Variants in CARMIL1 observed in about 807,000 individuals in gnomAD.
The protein encoded by CARMIL1 is F-actin-uncapping protein LRRC16A.
A neutral mutation model predicts 177.1 loss-of-function variants in CARMIL1; 90 were observed. The ratio of observed to expected loss-of-function variants is 0.51; its 90% CI spans 0.43 to 0.61. The LOEUF is 0.61. Among genes scored for constraint, CARMIL1 ranks in the 20% least tolerant of loss-of-function variants. The pLI, the probability that CARMIL1 is intolerant of heterozygous loss-of-function variation, is 0.00. For missense variants in CARMIL1, 1,380 were observed against 1,667.0 expected, an observed-to-expected ratio of 0.83 and a Z score of 3.00; for synonymous variants, 577 against 606.2, an observed-to-expected ratio of 0.95 and a Z score of 0.71.
chr6:25,508,029 C>T (rs1157798142), intron 17 of CARMIL1, among the ~76,000 whole-genome samples: 1 of 151,936 alleles, frequency 6.6e-6, no homozygotes, highest in East Asian at 1.9e-4. Context: ...ATGCAAGCCC[C>T]CAATTTTTAT....
intron 13 of CARMIL1, among the ~76,000 whole-genome samples, chr6:25,489,957 A>G (rs1006040453): frequency 6.6e-6 from 1 of 152,254 alleles, no homozygotes; most frequent in Non-Finnish European, 1.5e-5. Context: ...CTAAAGATTA[A>G]TAAGATTCAG....
chr6:25,567,651 T>A (rs1811673100), intron 29 of CARMIL1, among the ~76,000 whole-genome samples: 2 of 152,124 alleles, frequency 1.3e-5, no homozygotes, highest in South Asian at 4.1e-4. Context: ...ACAAGTAGGG[T>A]AGATTTACTT....
At chr6:25,588,324 A>G (rs535962779) in intron 31 of CARMIL1, among the ~76,000 whole-genome samples, 1 of 152,318 alleles carries the variant, frequency 6.6e-6, no homozygotes, top group South Asian at 2.1e-4. Context: ...TTTCTTGTTC[A>G]TATCATAGTC....
At chr6:25,561,894 T>C (rs1193212977) in intron 29 of CARMIL1, among the ~76,000 whole-genome samples, 1 of 152,250 alleles carries the variant, frequency 6.6e-6, no homozygotes, top group Non-Finnish European at 1.5e-5. Context: ...CAGAGTTAAC[T>C]TTTTAACTAG....
intron 5 of CARMIL1, among the ~76,000 whole-genome samples, chr6:25,441,998 CAA>C (rs1797821079): frequency 6.6e-6 from 1 of 151,658 alleles, no homozygotes; most frequent in Non-Finnish European, 1.5e-5. Context: ...TATATATAAA[CAA>C]GAGAAAGGTG....
At position 25,600,484 on chromosome 6, in the gene CARMIL1, G is replaced by T; in HGVS notation, c.3290G>T (p.Gly1097Val). 1 of 1,614,002 alleles carries T rather than the reference G, an allele frequency of 6.2e-7. No individual in the cohort carries two copies. The highest frequency in any genetic ancestry group is 8.5e-7 in the Non-Finnish European group (1 of 1,179,906). ...LMTEEPSSPKGAVRSPPVDCP... is the reference protein window; with the variant it reads ...LMTEEPSSPKVAVRSPPVDCP... ...ACAGAAGAACCCTCCTCACCAAAAG[G>T]GGCAGTCAGAAGTCCACCTGTGGAC... Residue 1097 changes from glycine to valine, a missense_variant, in exon 33 of 37, where the codon GGG becomes GTG. By Grantham distance (109) the Gly-to-Val change is moderately radical. Coordinates refer to ENST00000329474, the MANE Select transcript of CARMIL1 (RefSeq NM_017640.6).
At chr6:25,399,091 G>A (rs956561620) in intron 2 of CARMIL1, among the ~76,000 whole-genome samples, 6 of 152,198 alleles carry the variant, frequency 3.9e-5, no homozygotes, top group Admixed American at 6.5e-5. Flanking sequence ...AAAAGGAAGA[G>A]CTATTATGAA....
chr6:25,384,444 A>G (rs562267300), intron 2 of CARMIL1, among the ~76,000 whole-genome samples: 2 of 152,198 alleles, frequency 1.3e-5, no homozygotes, highest in Admixed American at 1.3e-4. Context: ...CACGTGTACA[A>G]TAGGTACTCA....
At chr6:25,511,559 G>A (rs932005343) in intron 20 of CARMIL1, among the ~76,000 whole-genome samples, 4 of 152,144 alleles carry the variant, frequency 2.6e-5, no homozygotes, top group African/African-American at 9.7e-5. Context: ...CATTACTCAT[G>A]TTTTGTAATA....
rs1759576774 is a variant in CARMIL1 at position 25,619,643 on chromosome 6, C to T, written c.*60C>T. The T allele has an allele frequency of 1.3e-6, 2 of 1,509,638 alleles. No individual in the cohort carries two copies. The highest frequency in any genetic ancestry group is 4.3e-5 in the Admixed American group (2 of 46,978). 93.5% of individuals were successfully genotyped at this position (1,509,638 alleles called of 1,614,324 possible). The stretch of plus-strand genomic sequence containing the variant: ...GCTTTGGTAGCCATCAGAGAGGAAC[C>T]AAGGGCAACATCTTTTCTTCCCAGG... On this transcript the variant is annotated 3_prime_UTR_variant, in exon 37 of 37. Transcript: ENST00000329474.
chr6:25,559,943 C>G (rs1810961594), intron 29 of CARMIL1, among the ~76,000 whole-genome samples: 2 of 152,074 alleles, frequency 1.3e-5, no homozygotes, highest in African/African-American at 4.8e-5. Context: ...TATAATTGCA[C>G]TAGGGGAGGT....
intron 9 of CARMIL1, among the ~76,000 whole-genome samples, chr6:25,467,372 T>C (rs1312365515): frequency 6.6e-6 from 1 of 152,154 alleles, no homozygotes; most frequent in Non-Finnish European, 1.5e-5. Flanking sequence ...AGGAGATTAG[T>C]CCAGGGATTG....
intron 29 of CARMIL1, among the ~76,000 whole-genome samples, chr6:25,560,502 C>T (rs1051139781): frequency 2.6e-5 from 4 of 152,124 alleles, no homozygotes; most frequent in Admixed American, 2.6e-4. Context: ...CTGTGACGTT[C>T]AGGCACTATT....
At chr6:25,474,792 T>C (rs953025477) in intron 11 of CARMIL1, among the ~76,000 whole-genome samples, 1 of 152,178 alleles carries the variant, frequency 6.6e-6, no homozygotes, top group African/African-American at 2.4e-5. Flanking sequence ...GGAGGGCTAT[T>C]TTTGGTTTTG....
Position 25,409,667 on chromosome 6 carries a change from A to G in CARMIL1, c.139-10447A>G, listed in dbSNP as rs564779360. ...TATGCTAGTATTTATCAAACTTTCA[A>G]AACCTGGATCCAGAGTAAAACATGC... On this transcript the variant is annotated intron_variant, in intron 2 of 36. Coordinates refer to ENST00000329474, the MANE Select transcript of CARMIL1 (RefSeq NM_017640.6). 9.2e-5 allele frequency among the ~76,000 whole-genome samples: 14 copies of G among 152,240 alleles called. No individual in the cohort carries two copies. The South Asian group carries it at 2.5e-3, about 27-fold the overall frequency.
chr6:25,298,945 G>T (rs989067864), intron 2 of CARMIL1, among the ~76,000 whole-genome samples: 18 of 151,866 alleles, frequency 1.2e-4, no homozygotes, highest in Non-Finnish European at 2.5e-4. Context: ...GTGGAGACAG[G>T]GTTTCTCCAT....
Position 25,509,128 on chromosome 6 carries a change from AG to A in CARMIL1, c.1396-527del, listed in dbSNP as rs35835358. 0.21 allele frequency among the ~76,000 whole-genome samples: 32,326 copies of A among 151,980 alleles called. 3,751 individuals are homozygous for A. The highest frequency in any genetic ancestry group is 0.24 in the Non-Finnish European group (16,363 of 67,948). ...AATCATTTTGCAGTCATCTTTAGTT[AG>A]CTAATATCTGCCTTATGAGTGAGAA... On this transcript the variant is annotated intron_variant, in intron 17 of 36. Transcript: ENST00000329474. The surrounding 1 kb of genome is among the most constrained non-coding windows in gnomAD (Gnocchi z 4.1).
At chr6:25,561,820 A>G (rs1229607689) in intron 29 of CARMIL1, among the ~76,000 whole-genome samples, 2 of 152,162 alleles carry the variant, frequency 1.3e-5, no homozygotes, top group Admixed American at 6.5e-5. Context: ...TCAAATCATA[A>G]TTGTTAATTT....
At chr6:25,452,201 C>A (rs1222704754) in intron 8 of CARMIL1, 1 of 764,588 alleles carries the variant, frequency 1.3e-6, no homozygotes, top group East Asian at 2.4e-5. Flanking sequence ...GGCTGATGGG[C>A]CTAAAGCCTC....
Sources: gnomAD v4.1 joint callset for allele counts (sites outside exome capture counted in the v4.1 genomes callset) on GRCh38, gnomAD v4.1.1 for gene constraint, Gnocchi (gnomAD v3.1) non-coding constraint, MANE v1.5 for transcripts, NCBI Gene and HGNC (gene_info 2026-07-23, HGNC 2026-07-21) for gene names.